The following PLCE1 variants were observed in gnomAD, a reference collection of about 807,000 sequenced individuals.
PLCE1 encodes phospholipase C epsilon 1, also known as 1-phosphatidylinositol 4,5-bisphosphate phosphodiesterase epsilon-1.
PLCE1 carries 119 observed loss-of-function variants against 242.8 expected under a neutral mutation model. The observed-to-expected ratio is 0.49, with a 90% CI of 0.42 to 0.57. The LOEUF is 0.57. Ranked by LOEUF, PLCE1 falls within the 20% of genes least tolerant of loss-of-function variation. The pLI is 0.00. For synonymous variants in PLCE1, 945 were observed against 1,017.4 expected, an observed-to-expected ratio of 0.93 and a Z score of 1.35; for missense variants, 2,441 against 2,788.8, an observed-to-expected ratio of 0.88 and a Z score of 2.81.
At chr10:94,122,958 A>G (rs1037673810) in intron 2 of PLCE1, among the ~76,000 whole-genome samples, 2 of 152,118 alleles carry the variant, frequency 1.3e-5, no homozygotes, top group African/African-American at 4.8e-5. Flanking sequence ...TAAGTCTTCA[A>G]TTATTTCTCC....
intron 1 of PLCE1, among the ~76,000 whole-genome samples, chr10:94,013,916 T>C (rs11187765): frequency 0.21 from 31,379 of 152,048 alleles, 3,723 homozygotes; most frequent in Non-Finnish European, 0.26. Flanking sequence ...CTACCATCCT[T>C]TGGGCTCCTC....
rs146438910 is a variant in PLCE1 at position 94,156,472 on chromosome 10, A to G, written c.1493-14708A>G. On this transcript the variant is annotated intron_variant, in intron 3 of 32. Coordinates refer to ENST00000371380, the MANE Select transcript of PLCE1 (RefSeq NM_016341.4). The stretch of plus-strand genomic sequence containing the variant: ...TTTACTTACTTTACCAGTTTATGAT[A>G]AAGGATGCAAATGAACAGCCAGATG... Among the ~76,000 whole-genome samples, 701 of 152,314 alleles carry G rather than the reference A, an allele frequency of 4.6e-3. 3 individuals carry two copies. The highest frequency in any genetic ancestry group is 0.015 in the African/African-American group (644 of 41,570).
rs191722933 is a variant in PLCE1 at position 94,179,790 on chromosome 10, G to A, written c.1809+8294G>A. Among the ~76,000 whole-genome samples the A allele has an allele frequency of 4.2e-3, 640 of 151,846 alleles. 3 individuals carry two copies. The highest frequency in any genetic ancestry group is 0.014 in the African/African-American group (587 of 41,434). ...CAATGTGCTGGGATTTCAGACGTAC[G>A]TCACCACACCCGGCCTAATCTCTCA... On this transcript the variant is annotated intron_variant, in intron 4 of 32. Coordinates refer to ENST00000371380, the MANE Select transcript of PLCE1 (RefSeq NM_016341.4).
At chr10:94,273,143 G>T (rs2051812973) in intron 18 of PLCE1, among the ~76,000 whole-genome samples, 1 of 152,278 alleles carries the variant, frequency 6.6e-6, no homozygotes, top group Middle Eastern at 3.4e-3. Context: ...TTTACACTAT[G>T]TGGACGCAAA....
In PLCE1 at chr10:94,252,496, A is replaced by C. The variant is rs2050914679; in HGVS notation, c.3277A>C (p.Arg1093=). 6.2e-7 allele frequency: 1 copy of C among 1,611,926 alleles called. No individual in the cohort carries two copies. The highest frequency in any genetic ancestry group is 8.5e-7 in the Non-Finnish European group (1 of 1,178,780). Reference sequence around the variant, plus strand: ...CAAGAAAAAGAAGAAAATCCTCATGAGGGTAGAGTGTTATTTGTTTATTAA... The same window carrying C: ...CAAGAAAAAGAAGAAAATCCTCATGCGGGTAGAGTGTTATTTGTTTATTAA... ...TTKKKKKILM[R]GESGEVTDDE... Residue 1093 remains arginine, a splice_region_variant and synonymous_variant, in exon 9 of 33, where the codon AGG becomes CGG. Transcript: ENST00000371380.
At chr10:94,204,303 C>G (rs1426809164) in intron 4 of PLCE1, among the ~76,000 whole-genome samples, 1 of 151,828 alleles carries the variant, frequency 6.6e-6, no homozygotes, top group Non-Finnish European at 1.5e-5. Flanking sequence ...AGAAAGAAGG[C>G]AAAAAAGCAT....
intron 4 of PLCE1, among the ~76,000 whole-genome samples, chr10:94,183,884 C>T (rs923864634): frequency 6.6e-6 from 1 of 152,144 alleles, no homozygotes; most frequent in South Asian, 2.1e-4. Flanking sequence ...TGAGTGAGAA[C>T]TTACTCATCA....
intron 1 of PLCE1, among the ~76,000 whole-genome samples, chr10:94,025,741 C>T (rs372217345): frequency 9.9e-5 from 15 of 152,136 alleles, no homozygotes; most frequent in African/African-American, 2.7e-4. Context: ...TCCTGATCCT[C>T]CCTTTTGAAA....
chr10:94,278,201 C>T (rs1222315213), intron 19 of PLCE1, among the ~76,000 whole-genome samples: 3 of 152,024 alleles, frequency 2.0e-5, no homozygotes, highest in Non-Finnish European at 2.9e-5. Flanking sequence ...TACATAATTC[C>T]AGGGTCAAAC....
chr10:94,179,418 C>T (rs2048223591), intron 4 of PLCE1, among the ~76,000 whole-genome samples: 2 of 152,030 alleles, frequency 1.3e-5, no homozygotes, highest in Non-Finnish European at 2.9e-5. Context: ...GCTCTGGAGT[C>T]AGGCTGCCTG....
At chr10:94,217,202 G>C (rs1187002161) in intron 4 of PLCE1, among the ~76,000 whole-genome samples, 2 of 151,774 alleles carry the variant, frequency 1.3e-5, no homozygotes, top group African/African-American at 4.8e-5. Context: ...AGCAGTATTA[G>C]TACCAGCCTT....
At position 94,231,766 on chromosome 10, in the gene PLCE1, C is replaced by G. The variant is rs575846817; in HGVS notation, c.1956-2288C>G. The stretch of plus-strand genomic sequence containing the variant: ...TCAGGCATTAGATTCTCATAAGGAG[C>G]GTGCAACCTAGATCCCTTACATGCA... On this transcript the variant is annotated intron_variant, in intron 5 of 32. Transcript: ENST00000371380. 3.3e-5 allele frequency among the ~76,000 whole-genome samples: 5 copies of G among 152,204 alleles called. No homozygotes were observed. The South Asian group carries it at 1.0e-3, about 32-fold the overall frequency.
At position 94,185,192 on chromosome 10, in the gene PLCE1, A is replaced by G. The variant is rs192714405; in HGVS notation, c.1809+13696A>G. Among the ~76,000 whole-genome samples, 82 of 152,352 alleles carry G rather than the reference A, an allele frequency of 5.4e-4. 1 individual carries two copies. The South Asian group carries it at 7.0e-3, about 13-fold the overall frequency. On this transcript the variant is annotated intron_variant, in intron 4 of 32. Transcript: ENST00000371380. Reference sequence around the variant, plus strand: ...TGAGTTAGTAGAAAGAGGAAAGAGTATAATTCCATCATTAAGTTTGGGCAT... The same window carrying G: ...TGAGTTAGTAGAAAGAGGAAAGAGTGTAATTCCATCATTAAGTTTGGGCAT...
intron 2 of PLCE1, among the ~76,000 whole-genome samples, chr10:94,099,154 G>A (rs548368096): frequency 1.3e-5 from 2 of 152,346 alleles, no homozygotes; most frequent in African/African-American, 4.8e-5. Flanking sequence ...TAACAGCTGG[G>A]TGTTGGTGAA....
At chr10:94,181,416 A>G (rs1245008133) in intron 4 of PLCE1, among the ~76,000 whole-genome samples, 1 of 151,900 alleles carries the variant, frequency 6.6e-6, no homozygotes, top group Non-Finnish European at 1.5e-5. Flanking sequence ...ACTAAAAAAT[A>G]CAAAAAAAAA....
chr10:94,181,751 C>T (rs911286630), intron 4 of PLCE1, among the ~76,000 whole-genome samples: 3 of 149,108 alleles, frequency 2.0e-5, no homozygotes, highest in Non-Finnish European at 4.4e-5. Flanking sequence ...GATCCTGTAT[C>T]TACAAAAAAT....
Position 94,132,227 on chromosome 10 carries a change from C to G in PLCE1, c.1260C>G (p.Leu420=). ...EETENTVGSL[L]HFLTKLPASE... ...CAGAAAATACAGTTGGATCTCTACTCCATTTCCTCACCAAGCTCCCAGCCT... is the reference window on the plus strand; with the variant it reads ...CAGAAAATACAGTTGGATCTCTACTGCATTTCCTCACCAAGCTCCCAGCCT... Residue 420 remains leucine (L), a synonymous_variant, in exon 3 of 33, where the codon CTC becomes CTG. Coordinates refer to ENST00000371380, the MANE Select transcript of PLCE1 (RefSeq NM_016341.4). 6.2e-7 allele frequency: 1 copy of G among 1,614,080 alleles called. No homozygotes were observed. Among genetic ancestry groups the G allele is most frequent in the Non-Finnish European group, 8.5e-7 (1 of 1,179,958 alleles).
At chr10:94,013,221 T>G (rs996020395) in intron 1 of PLCE1, among the ~76,000 whole-genome samples, 1 of 152,198 alleles carries the variant, frequency 6.6e-6, no homozygotes, top group African/African-American at 2.4e-5. Flanking sequence ...CTTGTAATAA[T>G]TTGGTTGCAT....
intron 3 of PLCE1, among the ~76,000 whole-genome samples, chr10:94,167,450 G>A (rs1479054438): frequency 6.6e-6 from 1 of 151,764 alleles, no homozygotes; most frequent in Non-Finnish European, 1.5e-5. Context: ...CTTTATTCTT[G>A]TTCACTAAAT....
Sources: allele counts gnomAD v4.1 joint callset (sites outside exome capture counted in the v4.1 genomes callset), GRCh38; gene constraint gnomAD v4.1.1; transcripts MANE v1.5; gene names NCBI Gene and HGNC (gene_info 2026-07-23, HGNC 2026-07-21).